LRFN2: variants seen among roughly 807,000 people sequenced by gnomAD.
LRFN2 encodes the protein leucine-rich repeat and fibronectin type-III domain-containing protein 2.
Under a neutral mutation model 37.3 loss-of-function variants are expected in LRFN2, and 18 were observed. That is an observed-to-expected ratio of 0.48 (90% confidence interval 0.33 to 0.72). The LOEUF is 0.72. Among genes scored for constraint, LRFN2 ranks in the 30% least tolerant of loss-of-function variants. The probability of loss-of-function intolerance (pLI) is 0.02; values close to 1 mark genes in which losing one functional copy is unlikely to be tolerated. For missense variants in LRFN2, 1,006 were observed against 1,060.7 expected (o/e 0.95, Z 0.72); for synonymous variants, 556 against 466.6 (o/e 1.19, Z -2.47).
At chr6:40,421,207 T>C (rs975259129) in intron 2 of LRFN2, among the ~76,000 whole-genome samples, 4 of 152,226 alleles carry the variant, frequency 2.6e-5, no homozygotes, top group African/African-American at 9.6e-5. Context: ...AGCTCTGAAC[T>C]ACCTCCTTCT....
intron 2 of LRFN2, among the ~76,000 whole-genome samples, chr6:40,396,269 G>A (rs966650063): frequency 6.6e-6 from 1 of 152,062 alleles, no homozygotes; most frequent in Non-Finnish European, 1.5e-5. Flanking sequence ...GCCCAAGGAG[G>A]CCCAGCTAGT....
intron 2 of LRFN2, among the ~76,000 whole-genome samples, chr6:40,418,228 C>A (rs1355618064): frequency 6.6e-6 from 1 of 152,160 alleles, no homozygotes; most frequent in African/African-American, 2.4e-5. Flanking sequence ...GCTGTTTCAC[C>A]TGCCTGACTC....
intron 1 of LRFN2, among the ~76,000 whole-genome samples, chr6:40,496,937 A>T (rs1765241561): frequency 6.6e-6 from 1 of 151,836 alleles, no homozygotes; most frequent in Non-Finnish European, 1.5e-5. Context: ...CCAGTTAATT[A>T]CTCAGTGCCT....
At chr6:40,532,970 G>A (rs772362566) in intron 1 of LRFN2, among the ~76,000 whole-genome samples, 5 of 152,172 alleles carry the variant, frequency 3.3e-5, no homozygotes, top group Non-Finnish European at 5.9e-5. Context: ...GAAGTGACAG[G>A]CTGCCTGTGG....
chr6:40,533,803 G>C (rs1766397441), intron 1 of LRFN2, among the ~76,000 whole-genome samples: 1 of 152,186 alleles, frequency 6.6e-6, no homozygotes, highest in South Asian at 2.1e-4. Flanking sequence ...CCTAAGCACA[G>C]CCTGGACCAA....
At chr6:40,558,882 C>T (rs954374518) in intron 1 of LRFN2, among the ~76,000 whole-genome samples, 2 of 152,198 alleles carry the variant, frequency 1.3e-5, no homozygotes, top group African/African-American at 4.8e-5. Context: ...CATCTCAATC[C>T]AAAGCCGGGC....
In LRFN2 at chr6:40,404,704, C is replaced by A. The variant is rs117763583; in HGVS notation, c.1401-11792G>T. Among the ~76,000 whole-genome samples the A allele has an allele frequency of 6.2e-4, 95 of 152,308 alleles. No homozygotes were observed. The East Asian group carries it at 0.013, about 21-fold the overall frequency. On this transcript the variant is annotated intron_variant, in intron 2 of 2. Transcript: ENST00000338305. ...GTCATTTTCTATGTGAGCCCTCATGCACCAAACAGGTGGGCCAGTCCAGGT... is the reference window on the plus strand; with the variant it reads ...GTCATTTTCTATGTGAGCCCTCATGAACCAAACAGGTGGGCCAGTCCAGGT...
rs1460341209 is a variant in LRFN2 at position 40,392,571 on chromosome 6, C to T, written c.1742G>A (p.Gly581Asp). 6 of 1,605,540 alleles carry T rather than the reference C, an allele frequency of 3.7e-6. No individual in the cohort carries two copies. The highest frequency in any genetic ancestry group is 1.3e-5 in the African/African-American group (1 of 75,044). Residue 581 changes from glycine (G) to aspartate (D), a missense_variant, in exon 3 of 3, where the codon GGC becomes GAC. Coordinates refer to ENST00000338305, the MANE Select transcript of LRFN2 (RefSeq NM_020737.3). The surrounding 1 kb of genome is among the most constrained non-coding windows in gnomAD (Gnocchi z 4.7). ...AVSNVYSQTNGAQPPPPSSAP... is the reference protein window; with the variant it reads ...AVSNVYSQTNDAQPPPPSSAP... The stretch of plus-strand genomic sequence containing the variant: ...GCTGCTTGGAGGCGGTGGCTGGGCG[C>T]CGTTGGTCTGCGAGTACACATTGCT...
chr6:40,494,275 A>G (rs1276317952), intron 1 of LRFN2, among the ~76,000 whole-genome samples: 2 of 152,080 alleles, frequency 1.3e-5, no homozygotes, highest in African/African-American at 4.8e-5. Flanking sequence ...CCAGATCAGC[A>G]CTTCTCTCCT....
chr6:40,482,707 T>G (rs1764862586), intron 1 of LRFN2, among the ~76,000 whole-genome samples: 1 of 152,188 alleles, frequency 6.6e-6, no homozygotes, highest in Non-Finnish European at 1.5e-5. Context: ...GCCCTCCTTC[T>G]GCACACCCCT....
At chr6:40,418,350 T>C (rs1023134719) in intron 2 of LRFN2, among the ~76,000 whole-genome samples, 3 of 152,160 alleles carry the variant, frequency 2.0e-5, no homozygotes, top group Admixed American at 6.5e-5. Context: ...TGCTTATTTT[T>C]CTTCCTCGTG....
At chr6:40,486,283 A>G (rs1764956458) in intron 1 of LRFN2, among the ~76,000 whole-genome samples, 1 of 152,146 alleles carries the variant, frequency 6.6e-6, no homozygotes, top group African/African-American at 2.4e-5. Context: ...GGATGAGCAG[A>G]ATCAAGTGGG....
chr6:40,467,865 C>G (rs1764505549), intron 1 of LRFN2, among the ~76,000 whole-genome samples: 2 of 152,108 alleles, frequency 1.3e-5, no homozygotes, highest in Non-Finnish European at 2.9e-5. Flanking sequence ...TCCAATCAGA[C>G]AGAGGAGCCA....
intron 1 of LRFN2, among the ~76,000 whole-genome samples, chr6:40,546,949 C>CA (rs1313286191): frequency 3.3e-5 from 5 of 152,162 alleles, no homozygotes; most frequent in African/African-American, 1.2e-4. Context: ...TCAAATGAGA[C>CA]AAAATAGGAC....
At chr6:40,395,506 CCT>C (rs1762597747) in intron 2 of LRFN2, among the ~76,000 whole-genome samples, 1 of 152,140 alleles carries the variant, frequency 6.6e-6, no homozygotes, top group East Asian at 1.9e-4. Context: ...CCTGAGGAGC[CCT>C]GTGTGGCCAA....
chr6:40,500,831 A>G (rs762535943), intron 1 of LRFN2, among the ~76,000 whole-genome samples: 2 of 152,286 alleles, frequency 1.3e-5, no homozygotes, highest in Middle Eastern at 3.4e-3. Flanking sequence ...TAACATCTAC[A>G]GGTTTGGAAA....
At chr6:40,439,205 C>T (rs1351519302) in intron 1 of LRFN2, among the ~76,000 whole-genome samples, 2 of 152,202 alleles carry the variant, frequency 1.3e-5, no homozygotes, top group African/African-American at 4.8e-5. Context: ...TAGCAACCAG[C>T]CGAGGAGCCG....
At chr6:40,477,219 T>G (rs1764729442) in intron 1 of LRFN2, among the ~76,000 whole-genome samples, 1 of 152,240 alleles carries the variant, frequency 6.6e-6, no homozygotes, top group African/African-American at 2.4e-5. Flanking sequence ...GGGGTGGAAG[T>G]AACTCATGTT....
intron 1 of LRFN2, among the ~76,000 whole-genome samples, chr6:40,562,831 T>TCA (rs71543995): frequency 0.098 from 14,056 of 143,802 alleles, 701 homozygotes; most frequent in African/African-American, 0.13. Flanking sequence ...GTGCGTGCAC[T>TCA]CACTCACACA....
Sources: allele counts gnomAD v4.1 joint callset (sites outside exome capture counted in the v4.1 genomes callset), GRCh38; gene constraint gnomAD v4.1.1; non-coding constraint Gnocchi (gnomAD v3.1); transcripts MANE v1.5; gene names NCBI Gene and HGNC (gene_info 2026-07-23, HGNC 2026-07-21).